DLGAP1: variants seen among roughly 807,000 people sequenced by gnomAD.
The protein encoded by DLGAP1 is DLG associated protein 1.
In DLGAP1, 11 loss-of-function variants were observed where a neutral mutation model predicts 90.8. That is an observed-to-expected ratio of 0.12 (90% CI 0.08 to 0.20). The LOEUF is 0.20. Among genes scored for constraint, DLGAP1 ranks in the 10% least tolerant of loss-of-function variants. The probability of loss-of-function intolerance (pLI) is 1.00; values close to 1 mark genes in which losing one functional copy is unlikely to be tolerated. For missense variants in DLGAP1, 1,050 were observed against 1,333.8 expected (o/e 0.79, Z 3.31); for synonymous variants, 558 against 540.7 (o/e 1.03, Z -0.44).
intron 1 of DLGAP1, among the ~76,000 whole-genome samples, chr18:4,207,844 T>C (rs2077753790): frequency 1.3e-5 from 2 of 152,228 alleles, no homozygotes; most frequent in South Asian, 4.1e-4. Context: ...GTCTGTCTTT[T>C]AAGCTTTCTT....
rs755387994 is a variant in DLGAP1 at position 3,511,631 on chromosome 18, A to G, written c.2480-2970T>C. Among the ~76,000 whole-genome samples, 7 of 151,798 alleles carry G rather than the reference A, an allele frequency of 4.6e-5. No homozygotes were observed. The East Asian group carries it at 1.2e-3, about 25-fold the overall frequency. ...AGTTAAACCAATGTTGGGTCTCACT[A>G]TGTGGCCCAGGCTGGTCTTGAACTC... On this transcript the variant is annotated intron_variant, in intron 10 of 12. Coordinates refer to ENST00000315677, the MANE Select transcript of DLGAP1 (RefSeq NM_004746.4).
chr18:4,035,057 T>G (rs2074866385), intron 2 of DLGAP1, among the ~76,000 whole-genome samples: 1 of 152,250 alleles, frequency 6.6e-6, no homozygotes, highest in African/African-American at 2.4e-5. Flanking sequence ...TGTGCCGCAT[T>G]TTCTTAATCC....
chr18:4,054,842 G>A (rs2075189331), intron 2 of DLGAP1, among the ~76,000 whole-genome samples: 1 of 152,154 alleles, frequency 6.6e-6, no homozygotes, highest in Admixed American at 6.5e-5. Flanking sequence ...GTATACTTGA[G>A]CACTGGCTTT....
chr18:3,975,521 GT>G (rs2073553246), intron 3 of DLGAP1, among the ~76,000 whole-genome samples: 1 of 152,052 alleles, frequency 6.6e-6, no homozygotes, highest in Admixed American at 6.6e-5. Flanking sequence ...CTTGGTGGTT[GT>G]TAAAAAAATT....
intron 1 of DLGAP1, among the ~76,000 whole-genome samples, chr18:4,317,554 T>C (rs970220587): frequency 3.9e-5 from 6 of 152,240 alleles, no homozygotes; most frequent in African/African-American, 1.4e-4. Context: ...AGGAAACATA[T>C]GTTTTCCAGG....
At chr18:3,515,692 TCACC>T (rs2050800945) in intron 10 of DLGAP1, among the ~76,000 whole-genome samples, 1 of 145,230 alleles carries the variant, frequency 6.9e-6, no homozygotes, top group South Asian at 2.1e-4. Context: ...GTTGGGAGGA[TCACC>T]TGAGCCTGGG....
chr18:4,194,169 AC>A (rs1248970012), intron 1 of DLGAP1, among the ~76,000 whole-genome samples: 5 of 152,124 alleles, frequency 3.3e-5, no homozygotes, highest in Non-Finnish European at 7.3e-5. Flanking sequence ...TCCCTTCCGC[AC>A]CAGTAGACCA....
At chr18:4,104,416 T>G (rs2075827160) in intron 2 of DLGAP1, among the ~76,000 whole-genome samples, 1 of 152,116 alleles carries the variant, frequency 6.6e-6, no homozygotes, top group South Asian at 2.1e-4. Context: ...CCCATACATT[T>G]ATCTGTAATT....
intron 4 of DLGAP1, among the ~76,000 whole-genome samples, chr18:3,831,629 C>T (rs2068040570): frequency 6.6e-6 from 1 of 152,182 alleles, no homozygotes; most frequent in African/African-American, 2.4e-5. Context: ...TCTTCACATA[C>T]AAACAAAGAA....
intron 3 of DLGAP1, among the ~76,000 whole-genome samples, chr18:3,998,746 C>T (rs1241471312): frequency 6.6e-6 from 1 of 152,078 alleles, no homozygotes; most frequent in African/African-American, 2.4e-5. Flanking sequence ...TATTCATTTG[C>T]TGTATTCATA....
chr18:4,421,870 T>C (rs900990991), intron 1 of DLGAP1, among the ~76,000 whole-genome samples: 2 of 151,950 alleles, frequency 1.3e-5, no homozygotes, highest in South Asian at 2.1e-4. Flanking sequence ...CACCATCACA[T>C]TCAGCTAATT....
intron 3 of DLGAP1, among the ~76,000 whole-genome samples, chr18:3,963,332 T>G (rs1296010069): frequency 6.6e-6 from 1 of 152,108 alleles, no homozygotes; most frequent in Non-Finnish European, 1.5e-5. Flanking sequence ...GCAGAAGAGC[T>G]TTTCCTTTGT....
chr18:3,548,093 A>C lies in DLGAP1; in HGVS notation c.2058-13478T>G, dbSNP rs569190938. Among the ~76,000 whole-genome samples, 7 of 152,282 alleles carry C rather than the reference A, an allele frequency of 4.6e-5. No individual in the cohort carries two copies. In the South Asian group the frequency reaches 1.4e-3, roughly 32 times the overall value. On this transcript the variant is annotated intron_variant, in intron 9 of 12. Transcript: ENST00000315677. Reference sequence around the variant, plus strand: ...ATTAGCAGTTACAGAGACTGGGAGGAGAAAGGAATGCAGTGAGTACTAATG... The same window carrying C: ...ATTAGCAGTTACAGAGACTGGGAGGCGAAAGGAATGCAGTGAGTACTAATG...
At chr18:4,451,787 A>G (rs1475104427) in intron 1 of DLGAP1, among the ~76,000 whole-genome samples, 2 of 152,228 alleles carry the variant, frequency 1.3e-5, no homozygotes, top group Non-Finnish European at 2.9e-5. Context: ...TGTTTCAACA[A>G]CAACATAAAG....
At chr18:3,981,962 A>G (rs1405502677) in intron 3 of DLGAP1, among the ~76,000 whole-genome samples, 1 of 152,238 alleles carries the variant, frequency 6.6e-6, no homozygotes, top group East Asian at 1.9e-4. Context: ...TTTATATTAT[A>G]TTATTGGTTA....
intron 1 of DLGAP1, among the ~76,000 whole-genome samples, chr18:4,411,180 ACT>A (rs2082769643): frequency 6.6e-6 from 1 of 151,806 alleles, no homozygotes; most frequent in South Asian, 2.1e-4. Flanking sequence ...TTTTCATGCA[ACT>A]CTCTGAGTTT....
intron 1 of DLGAP1, among the ~76,000 whole-genome samples, chr18:4,275,654 A>G (rs2079395372): frequency 6.6e-6 from 1 of 151,402 alleles, no homozygotes; most frequent in African/African-American, 2.4e-5. Flanking sequence ...AGCATGGCTC[A>G]TTCTTGCAAG....
chr18:3,816,438 C>T (rs1485060014), intron 4 of DLGAP1, among the ~76,000 whole-genome samples: 3 of 152,106 alleles, frequency 2.0e-5, no homozygotes, highest in African/African-American at 2.4e-5. Flanking sequence ...ATTGTTAATT[C>T]ACCTGTATAA....
At chr18:4,187,187 T>G (rs9967266) in intron 1 of DLGAP1, among the ~76,000 whole-genome samples, 70,435 of 151,954 alleles carry the variant, frequency 0.46, 18,184 homozygotes, top group East Asian at 0.71. Flanking sequence ...ATAGAACCAT[T>G]TCATCGGCAA....
Sources: allele counts gnomAD v4.1 joint callset (sites outside exome capture counted in the v4.1 genomes callset), GRCh38; gene constraint gnomAD v4.1.1; transcripts MANE v1.5; gene names NCBI Gene and HGNC (gene_info 2026-07-23, HGNC 2026-07-21).